FSD1L: variants seen among roughly 807,000 people sequenced by gnomAD.
The protein encoded by FSD1L is fibronectin type III and SPRY domain containing 1 like, also known as FSD1-like protein.
FSD1L carries 45 observed loss-of-function variants against 71.6 expected under a neutral mutation model. That is an observed-to-expected ratio of 0.63 (90% confidence interval 0.49 to 0.81). The LOEUF is 0.81. Ranked by LOEUF, FSD1L falls within the 30% of genes least tolerant of loss-of-function variation. The pLI is 0.00. For missense variants in FSD1L, 561 were observed against 618.1 expected (o/e 0.91, Z 0.98); for synonymous variants, 197 against 207.2 (o/e 0.95, Z 0.42).
At chr9:105,523,239 C>T (rs1365547534) in intron 10 of FSD1L, 9 of 1,610,112 alleles carry the variant, frequency 5.6e-6, no homozygotes, top group East Asian at 2.2e-5. Context: ...CCACTCACCT[C>T]TGTGCTCCAG....
intron 10 of FSD1L, chr9:105,522,831 A>G (rs1282827637): frequency 6.2e-7 from 1 of 1,612,494 alleles, no homozygotes; most frequent in East Asian, 2.2e-5. Flanking sequence ...AAGAAGAGGA[A>G]GTAGTCCAGG....
chr9:105,494,393 T>C (rs1262998548), intron 7 of FSD1L, among the ~76,000 whole-genome samples: 2 of 152,140 alleles, frequency 1.3e-5, no homozygotes, highest in Admixed American at 6.5e-5. Flanking sequence ...ATTCTAGTTA[T>C]ACATTCGTCT....
chr9:105,496,477 A>AT (rs1296288038), intron 7 of FSD1L, among the ~76,000 whole-genome samples: 1 of 152,216 alleles, frequency 6.6e-6, no homozygotes, highest in Non-Finnish European at 1.5e-5. Context: ...TGTAGGTCAA[A>AT]TTGGGAAGAA....
chr9:105,542,271 A>C (rs971437035), intron 13 of FSD1L, among the ~76,000 whole-genome samples: 1 of 152,088 alleles, frequency 6.6e-6, no homozygotes, highest in Admixed American at 6.5e-5. Flanking sequence ...TGATATTACC[A>C]GATTTTTTGT....
chr9:105,465,012 C>G (rs771438914), intron 3 of FSD1L, among the ~76,000 whole-genome samples: 5 of 151,884 alleles, frequency 3.3e-5, no homozygotes, highest in Non-Finnish European at 7.4e-5. Flanking sequence ...GGTAAGGGGT[C>G]TACTTGTAGA....
intron 1 of FSD1L, among the ~76,000 whole-genome samples, chr9:105,453,141 G>T (rs1307014891): frequency 5.4e-5 from 7 of 130,036 alleles, no homozygotes; most frequent in South Asian, 2.7e-4. Context: ...CCTGGAATTT[G>T]GTCTCTCTTG....
At chr9:105,525,919 G>A in intron 10 of FSD1L, 1 of 1,562,634 alleles carries the variant, frequency 6.4e-7, no homozygotes, top group South Asian at 1.1e-5. Context: ...TTCTGATTCT[G>A]ATGATTCTTT....
intron 7 of FSD1L, among the ~76,000 whole-genome samples, chr9:105,498,910 G>T (rs539981501): frequency 5.9e-5 from 9 of 152,258 alleles, no homozygotes; most frequent in Admixed American, 3.3e-4. Flanking sequence ...GAGCCACCGC[G>T]CCCATGCTAG....
upstream of FSD1L, among the ~76,000 whole-genome samples, chr9:105,447,636 T>C (rs76991720): frequency 6.6e-6 from 1 of 152,290 alleles, no homozygotes; most frequent in East Asian, 1.9e-4. Context: ...CTAAAGGTCT[T>C]TTCCCACGTT....
chr9:105,488,136 C>T (rs536336277), intron 7 of FSD1L, among the ~76,000 whole-genome samples: 10 of 152,262 alleles, frequency 6.6e-5, no homozygotes, highest in African/African-American at 2.4e-4. Flanking sequence ...TATTACCATA[C>T]GGAGTATTTT....
rs79032421 is a variant in FSD1L, at chr9:105,469,171, C to T, written c.339+847C>T. 9.2e-3 allele frequency among the ~76,000 whole-genome samples: 1,402 copies of T among 152,266 alleles called. 22 individuals are homozygous for T. Among genetic ancestry groups the T allele is most frequent in the African/African-American group, 0.032 (1,344 of 41,550 alleles). On this transcript the variant is annotated intron_variant, in intron 4 of 13. Coordinates refer to ENST00000481272, the MANE Select transcript of FSD1L (RefSeq NM_001145313.3). ...TTTTCTTTATCCATTTATATGTCTA[C>T]GGACATTTTGGCAGCTTACACCTCT... is the stretch of plus-strand genomic sequence containing the variant.
intron 1 of FSD1L, among the ~76,000 whole-genome samples, chr9:105,452,954 C>T (rs1289100602): frequency 1.3e-5 from 2 of 151,174 alleles, no homozygotes; most frequent in South Asian, 4.2e-4. Flanking sequence ...CCAGGCTAGC[C>T]TTGAACTCTT....
chr9:105,511,888 A>T (rs767222065), intron 9 of FSD1L, among the ~76,000 whole-genome samples: 1 of 152,138 alleles, frequency 6.6e-6, no homozygotes, highest in Non-Finnish European at 1.5e-5. Flanking sequence ...CTGTAAAGGG[A>T]TACTGTATTT....
chr9:105,513,657 T>C, intron 10 of FSD1L: 1 of 1,506,090 alleles, frequency 6.6e-7, no homozygotes. Context: ...TGTCTAGTTC[T>C]AGGACTTAGT....
chr9:105,485,095 G>T (rs1282729084), intron 7 of FSD1L, among the ~76,000 whole-genome samples: 1 of 152,106 alleles, frequency 6.6e-6, no homozygotes, highest in Non-Finnish European at 1.5e-5. Context: ...ATTTGTGATT[G>T]AGTCCTAAAT....
intron 5 of FSD1L, 181 bp downstream of exon 5, chr9:105,472,186 G>A (rs563781317): frequency 3.1e-6 from 2 of 635,816 alleles, no homozygotes; most frequent in South Asian, 1.1e-4. Context: ...AGAAGTGTGT[G>A]TCTTTAGGGT....
At chr9:105,513,446 A>C (rs114539076) in intron 10 of FSD1L, among the ~76,000 whole-genome samples, 2,403 of 152,280 alleles carry the variant, frequency 0.016, 88 homozygotes, top group African/African-American at 0.055. Flanking sequence ...TAATAGAAGA[A>C]ATTTTTGCTC....
At chr9:105,485,009 G>A (rs1036188996) in intron 7 of FSD1L, among the ~76,000 whole-genome samples, 1 of 152,070 alleles carries the variant, frequency 6.6e-6, no homozygotes, top group Non-Finnish European at 1.5e-5. Flanking sequence ...TGGCTCAGAT[G>A]GAACTTTATC....
intron 1 of FSD1L, among the ~76,000 whole-genome samples, chr9:105,457,693 G>C (rs1415703570): frequency 6.6e-6 from 1 of 152,252 alleles, no homozygotes; most frequent in Non-Finnish European, 1.5e-5. Flanking sequence ...TGGCCTGGCA[G>C]GCTGTGCTTA....
Sources: gnomAD v4.1 joint callset for allele counts (sites outside exome capture counted in the v4.1 genomes callset) on GRCh38, gnomAD v4.1.1 for gene constraint, MANE v1.5 for transcripts, NCBI Gene and HGNC (gene_info 2026-07-23, HGNC 2026-07-21) for gene names.